Variants in LTBP1 observed in about 807,000 individuals in gnomAD.
LTBP1 encodes the protein latent transforming growth factor beta binding protein 1.
LTBP1 carries 129 observed loss-of-function variants against 207.6 expected under a neutral mutation model. The ratio of observed to expected loss-of-function variants is 0.62; its 90% CI spans 0.54 to 0.72. The LOEUF (loss-of-function observed/expected upper bound fraction) is 0.72. Among genes scored for constraint, LTBP1 ranks in the 30% least tolerant of loss-of-function variants. LTBP1 has a pLI of 0.00. For missense variants in LTBP1, 2,281 were observed against 2,217.2 expected, an observed-to-expected ratio of 1.03 and a Z score of -0.58; for synonymous variants, 963 against 833.7, an observed-to-expected ratio of 1.16 and a Z score of -2.67.
rs1368213160 is a variant in LTBP1, at chr2:33,188,597, G to C, written c.1447G>C (p.Val483Leu). 1 of 1,613,196 alleles carries C rather than the reference G, an allele frequency of 6.2e-7. No homozygotes were observed. The highest frequency in any genetic ancestry group is 8.5e-7 in the Non-Finnish European group (1 of 1,179,898). The change falls in exon 7 of 34, where the codon GTC (valine) becomes CTC (leucine). Residue 483 changes from valine (V) to leucine (L), a missense_variant. Val to Leu is a conservative substitution (Grantham distance 32). Coordinates refer to ENST00000404816, the MANE Select transcript of LTBP1 (RefSeq NM_206943.4). ...TGTAGTGAAATTTCCTCCTAACATA[G>C]TCAATATCCATGTGAAACATCCTCC... The part of the protein sequence containing the change: ...GVKVKFPPNI[V>L]NIHVKHPPEA...
chr2:33,077,525 G>T (rs958522204), intron 3 of LTBP1, among the ~76,000 whole-genome samples: 2 of 152,100 alleles, frequency 1.3e-5, no homozygotes, highest in African/African-American at 2.4e-5. Flanking sequence ...GAAGAGAGAG[G>T]GGGGTGAGGT....
At chr2:33,226,142 A>G (rs1275189690) in intron 9 of LTBP1, among the ~76,000 whole-genome samples, 1 of 152,170 alleles carries the variant, frequency 6.6e-6, no homozygotes, top group African/African-American at 2.4e-5. Flanking sequence ...TTCTTGTTCT[A>G]TCAGTTGTTG....
chr2:33,009,709 T>C (rs1024354762), intron 2 of LTBP1, among the ~76,000 whole-genome samples: 3 of 152,182 alleles, frequency 2.0e-5, no homozygotes, highest in African/African-American at 7.2e-5. Flanking sequence ...TGATACTTCG[T>C]TATGGCAGTC....
At chr2:33,115,037 TACACACACACACACACAC>T (rs60544598) in intron 4 of LTBP1, among the ~76,000 whole-genome samples, 19 of 145,268 alleles carry the variant, frequency 1.3e-4, no homozygotes, top group South Asian at 6.8e-4. Flanking sequence ...AACAGATATA[TACACACACACACACACAC>T]ACACACACAC....
intron 3 of LTBP1, among the ~76,000 whole-genome samples, chr2:33,061,969 T>C (rs1170319966): frequency 6.6e-6 from 1 of 152,192 alleles, no homozygotes; most frequent in Non-Finnish European, 1.5e-5. Flanking sequence ...GCTTACAGTA[T>C]AGAATTGTCA....
chr2:33,005,776 G>T (rs1686772773), intron 2 of LTBP1, among the ~76,000 whole-genome samples: 1 of 152,042 alleles, frequency 6.6e-6, no homozygotes, highest in East Asian at 1.9e-4. Context: ...TAGTAGAGAT[G>T]GAGTTTCACC....
At chr2:33,216,718 T>A (rs1444127343) in intron 7 of LTBP1, among the ~76,000 whole-genome samples, 1 of 152,188 alleles carries the variant, frequency 6.6e-6, no homozygotes, top group East Asian at 1.9e-4. Context: ...CAGCTGGTCC[T>A]CCCCTCAGGC....
At chr2:33,281,012 A>G (rs1162515349) in intron 19 of LTBP1, among the ~76,000 whole-genome samples, 2 of 152,170 alleles carry the variant, frequency 1.3e-5, no homozygotes, top group Admixed American at 6.5e-5. Context: ...TCAAGGTTTC[A>G]GTGAGCTATG....
Position 32,947,150 on chromosome 2 carries a change from G to C in LTBP1, c.-175G>C, listed in dbSNP as rs1676296274. On this transcript the variant is annotated 5_prime_UTR_variant, in exon 1 of 34. Transcript: ENST00000404816. ...CCCAGCCACAATCGGCCGGGGTCTGGGGCCGCTCAGCTGCCCGCAGAGCCT... is the reference window on the plus strand; with the variant it reads ...CCCAGCCACAATCGGCCGGGGTCTGCGGCCGCTCAGCTGCCCGCAGAGCCT... 5.1e-6 allele frequency: 2 copies of C among 393,420 alleles called. No homozygotes were observed. The highest frequency in any genetic ancestry group is 4.3e-6 in the Non-Finnish European group (1 of 233,712). 24.4% of individuals were successfully genotyped at this position (393,420 alleles called of 1,614,324 possible).
chr2:33,208,224 A>AT (rs2090023687), intron 7 of LTBP1, among the ~76,000 whole-genome samples: 1 of 152,206 alleles, frequency 6.6e-6, no homozygotes, highest in Non-Finnish European at 1.5e-5. Flanking sequence ...GGGTGGAATA[A>AT]TTTATGGGAC....
At chr2:33,072,623 C>T (rs1037318424) in intron 3 of LTBP1, among the ~76,000 whole-genome samples, 1 of 152,100 alleles carries the variant, frequency 6.6e-6, no homozygotes, top group Admixed American at 6.6e-5. Context: ...GAAAGGAAGG[C>T]AGAAGGTCAG....
chr2:33,046,021 C>G (rs542901240), intron 3 of LTBP1, among the ~76,000 whole-genome samples: 2 of 152,112 alleles, frequency 1.3e-5, no homozygotes, highest in East Asian at 3.8e-4. Flanking sequence ...TGGGCTGAGA[C>G]GATGGGGTTT....
chr2:33,244,690 C>T (rs1213410153), intron 10 of LTBP1, among the ~76,000 whole-genome samples: 4 of 152,094 alleles, frequency 2.6e-5, no homozygotes, highest in African/African-American at 9.7e-5. Context: ...CTAGGCTGGA[C>T]TCAAATGATC....
Position 33,259,647 on chromosome 2 carries a change from A to C in LTBP1, c.2418+37A>C, listed in dbSNP as rs538572552. On this transcript the variant is annotated intron_variant, in intron 13 of 33. Coordinates refer to ENST00000404816, the MANE Select transcript of LTBP1 (RefSeq NM_206943.4). ...ATTGCTTGCAAGTCTTTTTTTTTCA[A>C]CGCTCAAAGTGATTTTCTATTAGAA... The C allele has an allele frequency of 2.0e-5, 31 of 1,584,438 alleles. No homozygotes were observed. In the East Asian group the frequency reaches 5.8e-4, roughly 30 times the overall value.
rs183262787 is a variant in LTBP1 at position 33,180,205 on chromosome 2, A to G, written c.1202-6651A>G. Among the ~76,000 whole-genome samples, 638 of 152,338 alleles carry G rather than the reference A, an allele frequency of 4.2e-3. 3 individuals carry two copies. Among genetic ancestry groups the G allele is most frequent in the African/African-American group, 0.014 (585 of 41,574 alleles). ...CGAGTCAGTATAAGTTAACAGACAGATAATCAAGAATTGAAGATAGGCAGT... is the reference window on the plus strand; with the variant it reads ...CGAGTCAGTATAAGTTAACAGACAGGTAATCAAGAATTGAAGATAGGCAGT... On this transcript the variant is annotated intron_variant, in intron 5 of 33. Coordinates refer to ENST00000404816, the MANE Select transcript of LTBP1 (RefSeq NM_206943.4).
intron 5 of LTBP1, 69 bp downstream of exon 5, chr2:33,135,029 C>A: frequency 2.8e-6 from 4 of 1,452,204 alleles, no homozygotes; most frequent in Non-Finnish European, 2.8e-6. Flanking sequence ...CATTTAGACA[C>A]CCCCTCCATT....
intron 31 of LTBP1, among the ~76,000 whole-genome samples, chr2:33,371,818 C>G (rs575493221): frequency 1.1e-3 from 161 of 152,300 alleles, no homozygotes; most frequent in African/African-American, 3.8e-3. Context: ...CAACCACGGT[C>G]CGAAATATTA....
At position 32,947,579 on chromosome 2, in the gene LTBP1, G is replaced by A; in HGVS notation, c.255G>A (p.Arg85=). 1.5e-6 allele frequency: 2 copies of A among 1,322,630 alleles called. No homozygotes were observed. The highest frequency in any genetic ancestry group is 9.6e-7 in the Non-Finnish European group (1 of 1,040,624). 81.9% of individuals were successfully genotyped at this position (1,322,630 alleles called of 1,614,324 possible). ...ASPGVPSERT[R]RTSKPGGAAL... ...CCGGGGTCCCCTCGGAGAGGACCCG[G>A]CGCACGAGCAAGCCGGGCGGCGCGG... The change falls in exon 1 of 34, where the codon CGG becomes CGA. Residue 85 remains arginine (R), a synonymous_variant. Transcript: ENST00000404816.
At chr2:33,164,339 G>C (rs1034563481) in intron 5 of LTBP1, among the ~76,000 whole-genome samples, 1 of 102,352 alleles carries the variant, frequency 9.8e-6, no homozygotes, top group East Asian at 3.3e-4. Context: ...GACAGAGCAA[G>C]ACTTCCTCTC....
Sources: allele counts gnomAD v4.1 joint callset (sites outside exome capture counted in the v4.1 genomes callset), GRCh38; gene constraint gnomAD v4.1.1; transcripts MANE v1.5; gene names NCBI Gene and HGNC (gene_info 2026-07-23, HGNC 2026-07-21).